PDXDC1: variants seen among roughly 807,000 people sequenced by gnomAD.
PDXDC1 encodes the protein pyridoxal-dependent decarboxylase domain-containing protein 1.
In PDXDC1, 42 loss-of-function variants were observed where a neutral mutation model predicts 100.1. The observed-to-expected ratio is 0.42, with a 90% CI of 0.33 to 0.54. The LOEUF (loss-of-function observed/expected upper bound fraction) is 0.54, where lower values mean the gene tolerates loss of function less well. Among genes scored for constraint, PDXDC1 ranks in the 20% least tolerant of loss-of-function variants. The pLI is 0.10. For synonymous variants in PDXDC1, 260 were observed against 371.7 expected, an observed-to-expected ratio of 0.70 and a Z score of 3.46; for missense variants, 636 against 979.2, an observed-to-expected ratio of 0.65 and a Z score of 4.68.
chr16:15,114,909 G>T (rs2047188082), intron 16 of PDXDC1, among the ~76,000 whole-genome samples: 2 of 127,638 alleles, frequency 1.6e-5, no homozygotes, highest in Non-Finnish European at 3.2e-5. Context: ...AATAGCTGAT[G>T]ATCTAAAAAA....
Position 15,137,803 on chromosome 16 carries a change from G to C in PDXDC1, c.1400-1076G>C. ...TGCCAAGCAGAGGCTGGCCAGCCAG[G>C]GAGTCAGGCCCAGCACACGTGGCTG... On this transcript the variant is annotated intron_variant, in intron 16 of 16. Coordinates refer to the PDXDC1 transcript ENST00000535621. 4 of 1,583,404 alleles carry C rather than the reference G, an allele frequency of 2.5e-6. No individual in the cohort carries two copies. In the South Asian group the frequency reaches 4.5e-5, roughly 18 times the overall value.
chr16:15,036,281 A>G lies in PDXDC1; in HGVS notation c.*6A>G. The G allele has an allele frequency of 3.7e-6, 6 of 1,611,428 alleles. No homozygotes were observed. The highest frequency in any genetic ancestry group is 5.1e-6 in the Non-Finnish European group (6 of 1,178,008). Reference sequence around the variant, plus strand: ...GACCGGAGAGCTTAAGATGAGACTCATTGTGTGGTTTGAGACTGTACTGAG... The same window carrying G: ...GACCGGAGAGCTTAAGATGAGACTCGTTGTGTGGTTTGAGACTGTACTGAG... On this transcript the variant is annotated 3_prime_UTR_variant, in exon 23 of 23. Coordinates refer to ENST00000396410, the MANE Select transcript of PDXDC1 (RefSeq NM_015027.4).
intron 3 of PDXDC1, among the ~76,000 whole-genome samples, chr16:15,000,766 A>T (rs1270679912): frequency 6.6e-6 from 1 of 152,036 alleles, no homozygotes; most frequent in African/African-American, 2.4e-5. Flanking sequence ...GTAATAAATG[A>T]AGCTTGCATT....
intron 16 of PDXDC1, among the ~76,000 whole-genome samples, chr16:15,059,002 T>C (rs1199009662): frequency 2.6e-5 from 4 of 152,138 alleles, no homozygotes. Flanking sequence ...CAAAAGCATT[T>C]GATGGAAGAA....
At chr16:15,065,438 G>C (rs2044927391) in intron 16 of PDXDC1, 1 of 1,413,172 alleles carries the variant, frequency 7.1e-7, no homozygotes, top group Non-Finnish European at 9.8e-7. Flanking sequence ...GCAGATGTGA[G>C]CTGCGTGTGA....
intron 6 of PDXDC1, among the ~76,000 whole-genome samples, chr16:15,007,077 C>G (rs1168016093): frequency 4.0e-5 from 6 of 148,838 alleles, no homozygotes; most frequent in Non-Finnish European, 8.8e-5. Flanking sequence ...GCATAAAGCT[C>G]TTCCTGTATT....
chr16:15,081,781 C>T (rs2045714032), intron 16 of PDXDC1, among the ~76,000 whole-genome samples: 1 of 152,184 alleles, frequency 6.6e-6, no homozygotes. Flanking sequence ...TCGTTTTCTT[C>T]TCAGAGTTTT....
intron 16 of PDXDC1, among the ~76,000 whole-genome samples, chr16:15,098,509 T>A (rs927385976): frequency 6.6e-5 from 10 of 152,056 alleles, no homozygotes; most frequent in Non-Finnish European, 1.0e-4. Flanking sequence ...CTACTATTAG[T>A]TTTTCTATTT....
intron 16 of PDXDC1, chr16:15,086,118 C>G: frequency 1.2e-6 from 2 of 1,606,210 alleles, no homozygotes; most frequent in Non-Finnish European, 1.7e-6. Context: ...AAATTCCAAG[C>G]AATGACTTAC....
chr16:15,069,340 G>A (rs1045298327), intron 16 of PDXDC1, among the ~76,000 whole-genome samples: 3 of 152,148 alleles, frequency 2.0e-5, no homozygotes, highest in Admixed American at 2.0e-4. Context: ...ATCGTGCAGG[G>A]TTCAGAGACC....
intron 16 of PDXDC1, chr16:15,135,848 G>A (rs1460906318): frequency 1.1e-5 from 16 of 1,497,026 alleles, no homozygotes; most frequent in African/African-American, 4.0e-5. Flanking sequence ...TGCCAGTGGC[G>A]TGTCCCCAAA....
chr16:15,146,023 C>A, the PDXDC1 span, among the ~76,000 whole-genome samples: 3 of 152,160 alleles, frequency 2.0e-5, no homozygotes, highest in Admixed American at 1.3e-4. Context: ...GGTGGGGGAG[C>A]GAGGGCAGTG....
chr16:14,992,479 A>C (rs979084521), intron 1 of PDXDC1, among the ~76,000 whole-genome samples: 37 of 152,278 alleles, frequency 2.4e-4, no homozygotes, highest in African/African-American at 8.7e-4. Flanking sequence ...TCACCAGCTG[A>C]CTCAGGGGTG....
chr16:14,983,123 C>T (rs1968379889), intron 1 of PDXDC1, among the ~76,000 whole-genome samples: 1 of 152,202 alleles, frequency 6.6e-6, no homozygotes, highest in Admixed American at 6.6e-5. Flanking sequence ...TGAAATAAGT[C>T]CTAAAAGTCC....
intron 16 of PDXDC1, chr16:15,044,691 G>A: frequency 2.0e-6 from 1 of 489,768 alleles, no homozygotes; most frequent in Non-Finnish European, 3.7e-6. Flanking sequence ...CTCTGGAAGA[G>A]CACAGGCACA....
At chr16:15,139,647 G>A (rs1201452512), downstream of PDXDC1, among the ~76,000 whole-genome samples, 3 of 151,782 alleles carry the variant, frequency 2.0e-5, no homozygotes, top group East Asian at 1.9e-4. Flanking sequence ...CAGGCATGGT[G>A]GTGTGGAGCT....
Position 15,127,915 on chromosome 16 carries a change from C to T in PDXDC1, c.1400-10964C>T. ...TGCGTGACCTAGAAGGCAGGGAGGG[C>T]CGCACTGCAGGAGGCCACGGGGCAG... On this transcript the variant is annotated intron_variant, in intron 16 of 16. Coordinates refer to the PDXDC1 transcript ENST00000535621. 4 of 1,408,438 alleles carry T rather than the reference C, an allele frequency of 2.8e-6. No individual in the cohort carries two copies. In the South Asian group the frequency reaches 3.6e-5, roughly 13 times the overall value. The allele number at this position is 1,408,438 out of a possible 1,614,324, so 87.2% of individuals were successfully genotyped here. A position where few individuals can be genotyped will look rare whatever the true frequency, so the allele number is the denominator to read the frequency against.
chr16:15,095,922 G>A (rs1220378303), intron 16 of PDXDC1, among the ~76,000 whole-genome samples: 3 of 149,126 alleles, frequency 2.0e-5, no homozygotes, highest in Non-Finnish European at 4.4e-5. Context: ...AGGAGTTCAA[G>A]ACCAGCCTGG....
In PDXDC1 at chr16:15,087,179, G is replaced by C. The variant is rs549752312; in HGVS notation, c.1400-51700G>C. Among the ~76,000 whole-genome samples the C allele has an allele frequency of 5.3e-5, 8 of 152,184 alleles. No homozygotes were observed. In the East Asian group the frequency reaches 1.3e-3, roughly 26 times the overall value. On this transcript the variant is annotated intron_variant, in intron 16 of 16. Coordinates refer to the PDXDC1 transcript ENST00000535621. The stretch of plus-strand genomic sequence containing the variant: ...AAGAAAAAGCCCCTAATTTGTGGAA[G>C]GCTTAGACATATAAATAAAAGCAAC...
Sources: allele counts gnomAD v4.1 joint callset (sites outside exome capture counted in the v4.1 genomes callset), GRCh38; gene constraint gnomAD v4.1.1; transcripts MANE v1.5; gene names NCBI Gene and HGNC (gene_info 2026-07-23, HGNC 2026-07-21).